The following MYO7A variants were observed in gnomAD, a reference collection of about 807,000 sequenced individuals.
The protein encoded by MYO7A is unconventional myosin-VIIa.
Under a neutral mutation model 263.8 loss-of-function variants are expected in MYO7A, and 210 were observed. The ratio of observed to expected loss-of-function variants is 0.80; its 90% CI spans 0.71 to 0.89. The LOEUF (loss-of-function observed/expected upper bound fraction) is 0.89. MYO7A is among the 40% of genes least tolerant of loss of function. The pLI is 0.00. For missense variants in MYO7A, 2,820 were observed against 2,968.3 expected, an observed-to-expected ratio of 0.95 and a Z score of 1.16; for synonymous variants, 1,239 against 1,197.3, an observed-to-expected ratio of 1.03 and a Z score of -0.72.
chr11:77,157,207 T>C, intron 7 of MYO7A, 72 bp from the exon 8 acceptor site: 1 of 1,395,254 alleles, frequency 7.2e-7, no homozygotes, highest in East Asian at 2.4e-5. Context: ...TAAACCATCA[T>C]CCCAGGCTAG....
At chr11:77,210,781 C>CT in intron 44 of MYO7A, 1 of 173,616 alleles carries the variant, frequency 5.8e-6, no homozygotes, top group Non-Finnish European at 1.2e-5. Context: ...CTGAGAGGCT[C>CT]TTCCAGAGGA....
chr11:77,182,325 G>C, intron 24 of MYO7A, 99 bp from the exon 25 acceptor site: 2 of 1,454,334 alleles, frequency 1.4e-6, no homozygotes, highest in Admixed American at 2.2e-5. Flanking sequence ...GACCATGCGG[G>C]AGGGGGTGTC....
intron 3 of MYO7A, among the ~76,000 whole-genome samples, chr11:77,144,684 G>C (rs1555052728): frequency 1.3e-5 from 2 of 152,160 alleles, no homozygotes; most frequent in Non-Finnish European, 2.9e-5. Flanking sequence ...TTGAGAGCAG[G>C]GAACAGGCCA....
At position 77,162,936 on chromosome 11, in the gene MYO7A, G is replaced by T; in HGVS notation, c.1638G>T (p.Glu546Asp). The change falls in exon 14 of 49, where the codon GAG becomes GAT. Residue 546 changes from glutamate (E) to aspartate (D), a missense_variant. By Grantham distance (45) the Glu-to-Asp change is conservative. Transcript: ENST00000409709. ...ANYIPPKNNH[E>D]TQFGINHFAG... is the part of the protein sequence containing the mutation. Reference sequence around the variant, plus strand: ...ACATCCCCCCCAAGAACAACCATGAGACCCAGTTTGGCATCAACCATTTTG... The same window carrying T: ...ACATCCCCCCCAAGAACAACCATGATACCCAGTTTGGCATCAACCATTTTG... 6.2e-7 allele frequency: 1 copy of T among 1,613,804 alleles called. No homozygotes were observed. The highest frequency in any genetic ancestry group is 1.1e-5 in the South Asian group (1 of 91,048).
chr11:77,164,570 C>A (rs1953356996), intron 14 of MYO7A, among the ~76,000 whole-genome samples: 1 of 152,112 alleles, frequency 6.6e-6, no homozygotes, highest in South Asian at 2.1e-4. Flanking sequence ...CAATATTGGA[C>A]TGTGAGATCC....
At position 77,182,453 on chromosome 11, in the gene MYO7A, C is replaced by T. The variant is rs781946703; in HGVS notation, c.3138C>T (p.Leu1046=). 6.2e-6 allele frequency: 10 copies of T among 1,613,100 alleles called. No homozygotes were observed. Among genetic ancestry groups the T allele is most frequent in the Non-Finnish European group, 8.5e-6 (10 of 1,179,796 alleles). The change falls in exon 25 of 49, where the codon CTC becomes CTT. Residue 1046 remains leucine, a synonymous_variant. Coordinates refer to ENST00000409709, the MANE Select transcript of MYO7A (RefSeq NM_000260.4). The part of the protein sequence containing the change: ...LAALAVWITI[L]RFMGDLPEPK... ...CCCTGGCGGTCTGGATCACCATCCT[C>T]CGCTTCATGGGGGACCTCCCTGAGC...
chr11:77,182,508 A>T lies in MYO7A; in HGVS notation c.3193A>T (p.Ser1065Cys), dbSNP rs763798045. ...PKYHTAMSDG[S>C]EKIPVMTKIY... Reference sequence around the variant, plus strand: ...GTACCACACAGCCATGAGTGATGGCAGTGAGAAGATCCCTGTGATGACCAA... The same window carrying T: ...GTACCACACAGCCATGAGTGATGGCTGTGAGAAGATCCCTGTGATGACCAA... The change falls in exon 25 of 49, where the codon AGT (serine) becomes TGT (cysteine). Residue 1065 changes from serine (S) to cysteine (C), a missense_variant. Transcript: ENST00000409709. The T allele has an allele frequency of 1.2e-6, 2 of 1,612,136 alleles. No individual in the cohort carries two copies. The highest frequency in any genetic ancestry group is 1.7e-6 in the Non-Finnish European group (2 of 1,179,786).
chr11:77,168,827 G>A (rs1016379117), intron 15 of MYO7A, among the ~76,000 whole-genome samples: 10 of 152,182 alleles, frequency 6.6e-5, no homozygotes, highest in African/African-American at 2.4e-4. Context: ...AGAAACTGGG[G>A]CCCAGAGAGG....
At chr11:77,157,118 C>T (rs558523506) in intron 7 of MYO7A, 114 bp downstream of exon 7, 688 of 1,468,352 alleles carry the variant, frequency 4.7e-4, no homozygotes, top group Non-Finnish European at 6.0e-4. Context: ...GCCCGTATTG[C>T]TGCCTGCTTC....
rs1434524838 is a variant in MYO7A, at chr11:77,192,914, A to G, written c.4152+636A>G. Among the ~76,000 whole-genome samples, 12 of 74,318 alleles carry G rather than the reference A, an allele frequency of 1.6e-4. 1 individual carries two copies. In the South Asian group the frequency reaches 5.2e-3, roughly 32 times the overall value. The allele number at this position is 74,318 out of a possible 152,430, so 48.8% of individuals were successfully genotyped here. A position where few individuals can be genotyped will look rare whatever the true frequency, so the allele number is the denominator to read the frequency against. ...GTAGTGATGGTGTTGGTGATGGTGG[A>G]GGGTAGTGATGGTGTTGTTTGTGAT... On this transcript the variant is annotated intron_variant, in intron 31 of 48. Coordinates refer to ENST00000409709, the MANE Select transcript of MYO7A (RefSeq NM_000260.4).
At chr11:77,158,180 C>G (rs952399763) in intron 8 of MYO7A, 97 bp from the exon 9 acceptor site, 21 of 1,384,172 alleles carry the variant, frequency 1.5e-5, no homozygotes, top group Admixed American at 8.1e-5. Flanking sequence ...CCTGGCCTGT[C>G]AGGCAGAAAG....
intron 15 of MYO7A, among the ~76,000 whole-genome samples, chr11:77,169,353 T>C (rs768024503): frequency 6.6e-6 from 1 of 152,242 alleles, no homozygotes; most frequent in Non-Finnish European, 1.5e-5. Context: ...TTCTAGGATA[T>C]TGAGTAGCCC....
At chr11:77,131,496 A>T (rs1591166661) in intron 2 of MYO7A, among the ~76,000 whole-genome samples, 1 of 152,216 alleles carries the variant, frequency 6.6e-6, no homozygotes, top group African/African-American at 2.4e-5. Flanking sequence ...CAGGGGCTGG[A>T]GGAGACCCCC....
rs753817423 is a variant in MYO7A at position 77,213,969 on chromosome 11, A to G, written c.6548A>G (p.Glu2183Gly). 3.7e-6 allele frequency: 6 copies of G among 1,613,948 alleles called. No homozygotes were observed. The African/African-American group carries it at 8.0e-5, about 22-fold the overall frequency. ...NLVRGSKLLC[E>G]TSLGYKMDDL... ...GTGCGCGGGAGCAAACTGCTCTGCG[A>G]GACGTCACTGGTGAGGGCGCATCCT... The change falls in exon 48 of 49, where the codon GAG becomes GGG. Residue 2183 changes from glutamate to glycine, a missense_variant. Physicochemically the swap from Glu to Gly is moderately conservative, Grantham distance 98. Coordinates refer to ENST00000409709, the MANE Select transcript of MYO7A (RefSeq NM_000260.4).
intron 14 of MYO7A, among the ~76,000 whole-genome samples, chr11:77,164,367 C>T (rs750762703): frequency 3.3e-5 from 5 of 151,186 alleles, no homozygotes; most frequent in East Asian, 2.0e-4. Context: ...GGCCAATTAA[C>T]CCATAAATAT....
chr11:77,147,750 C>G (rs773985673), intron 3 of MYO7A, 48 bp from the exon 4 acceptor site: 9 of 1,594,420 alleles, frequency 5.6e-6, no homozygotes, highest in Non-Finnish European at 7.7e-6. Flanking sequence ...CCCTGAAGTG[C>G]GCAGCCTGGG....
intron 22 of MYO7A, 28 bp from the exon 23 acceptor site, chr11:77,181,351 GT>G: frequency 6.5e-7 from 1 of 1,535,716 alleles, no homozygotes; most frequent in Non-Finnish European, 8.8e-7. Context: ...GGCTGACCCC[GT>G]GTCTTCTGTG....
chr11:77,203,154 G>C lies in MYO7A; in HGVS notation c.5263G>C (p.Ala1755Pro). Residue 1755 changes from alanine to proline, a missense_variant, in exon 38 of 49, where the codon GCG (alanine) becomes CCG (proline). Ala to Pro is a conservative substitution (Grantham distance 27). Transcript: ENST00000409709. ...CCACACGCGGGAACCGCTCAAGCAG[G>C]CGCTGCTCAAGAAGCTCCTGGGCAG... is the stretch of plus-strand genomic sequence containing the variant. ...WSHTREPLKQALLKKLLGSEE... is the reference protein window; with the variant it reads ...WSHTREPLKQPLLKKLLGSEE... 6.4e-7 allele frequency: 1 copy of C among 1,551,192 alleles called. No homozygotes were observed. Among genetic ancestry groups the C allele is most frequent in the Admixed American group, 2.0e-5 (1 of 51,246 alleles).
At chr11:77,145,320 C>T (rs1951487781) in intron 3 of MYO7A, among the ~76,000 whole-genome samples, 1 of 152,220 alleles carries the variant, frequency 6.6e-6, no homozygotes, top group African/African-American at 2.4e-5. Flanking sequence ...CATCAGTCCT[C>T]CCAAAACCCC....
Sources: gnomAD v4.1 joint callset for allele counts (sites outside exome capture counted in the v4.1 genomes callset) on GRCh38, gnomAD v4.1.1 for gene constraint, MANE v1.5 for transcripts, NCBI Gene and HGNC (gene_info 2026-07-23, HGNC 2026-07-21) for gene names.